XPO1: variants seen among roughly 807,000 people sequenced by gnomAD.
XPO1 encodes exportin-1.
In XPO1, 5 loss-of-function variants were observed where a neutral mutation model predicts 133.3. That is an observed-to-expected ratio of 0.04 (90% CI 0.02 to 0.08). The LOEUF (loss-of-function observed/expected upper bound fraction) is 0.08. XPO1 is among the 10% of genes least tolerant of loss of function. XPO1 has a pLI of 1.00. For missense variants in XPO1, 506 were observed against 1,267.5 expected, an observed-to-expected ratio of 0.40 and a Z score of 9.12; for synonymous variants, 419 against 408.2, an observed-to-expected ratio of 1.03 and a Z score of -0.32.
chr2:61,523,973 A>T (rs1467551865), intron 3 of XPO1, among the ~76,000 whole-genome samples: 2 of 152,248 alleles, frequency 1.3e-5, no homozygotes, highest in Non-Finnish European at 2.9e-5. Flanking sequence ...AATGTTTCAT[A>T]ATCAGCAGTA....
intron 4 of XPO1, among the ~76,000 whole-genome samples, chr2:61,515,933 A>C (rs1288151818): frequency 8.2e-5 from 10 of 121,648 alleles, no homozygotes; most frequent in African/African-American, 2.8e-4. Context: ...AAAAAAAAAA[A>C]AAACCACACA....
intron 4 of XPO1, among the ~76,000 whole-genome samples, chr2:61,519,238 C>T (rs1199411621): frequency 2.0e-5 from 3 of 152,130 alleles, no homozygotes; most frequent in South Asian, 4.1e-4. Context: ...CGTGAGCCAC[C>T]GTGCTGAGCC....
intron 4 of XPO1, among the ~76,000 whole-genome samples, chr2:61,520,673 T>A (rs1208119406): frequency 1.3e-5 from 2 of 152,116 alleles, no homozygotes; most frequent in East Asian, 3.8e-4. Context: ...AAACAAAAAT[T>A]TTTTAAATTA....
chr2:61,502,834 T>C (rs1697601232), intron 4 of XPO1, among the ~76,000 whole-genome samples: 1 of 152,168 alleles, frequency 6.6e-6, no homozygotes, highest in Non-Finnish European at 1.5e-5. Flanking sequence ...CTTAAACTCA[T>C]AGACTCAAGT....
At chr2:61,480,728 G>A (rs1696306748) in intron 24 of XPO1, 1 of 151,970 alleles carries the variant, frequency 6.6e-6, no homozygotes, top group Non-Finnish European at 1.5e-5. Context: ...ACTACTTAGG[G>A]TTTCACAGTA....
Position 61,522,600 on chromosome 2 carries a change from T to TA in XPO1, c.301+10dup. The TA allele has an allele frequency of 6.2e-7, 1 of 1,609,970 alleles. No homozygotes were observed. The highest frequency in any genetic ancestry group is 8.5e-7 in the Non-Finnish European group (1 of 1,177,760). On this transcript the variant is annotated intron_variant, in intron 4 of 24. Transcript: ENST00000401558. Reference sequence around the variant, plus strand: ...ACAAAACTCTGAATTTATAATTCTTTATTTTCCTACCTTCGCACTGGTTCC... The same window carrying TA: ...ACAAAACTCTGAATTTATAATTCTTTAATTTTCCTACCTTCGCACTGGTTCC...
At chr2:61,506,293 C>T (rs1485154248) in intron 4 of XPO1, among the ~76,000 whole-genome samples, 2 of 152,032 alleles carry the variant, frequency 1.3e-5, no homozygotes, top group Non-Finnish European at 2.9e-5. Context: ...CATGGTGGCA[C>T]GCGCCTATAA....
intron 4 of XPO1, among the ~76,000 whole-genome samples, chr2:61,518,388 TA>T (rs986949403): frequency 7.2e-5 from 9 of 125,628 alleles, no homozygotes; most frequent in Admixed American, 8.0e-5. Context: ...CCGTCTCTAC[TA>T]AAAAAAAAAA....
chr2:61,529,448 A>C (rs13427103), intron 2 of XPO1, among the ~76,000 whole-genome samples: 1 of 151,976 alleles, frequency 6.6e-6, no homozygotes, highest in African/African-American at 2.4e-5. Flanking sequence ...ACGAGGTCAG[A>C]AGTTCAAGAC....
At chr2:61,521,743 GGTT>G (rs1227290347) in intron 4 of XPO1, among the ~76,000 whole-genome samples, 1 of 151,910 alleles carries the variant, frequency 6.6e-6, no homozygotes, top group Non-Finnish European at 1.5e-5. Context: ...CCTTACATAT[GGTT>G]TTTTTTGTTG....
chr2:61,496,740 GCT>G, intron 10 of XPO1, 137 bp downstream of exon 10: 4 of 1,068,570 alleles, frequency 3.7e-6, no homozygotes, highest in South Asian at 2.6e-5. Context: ...AAAATTTGTA[GCT>G]TACTACAAAT....
chr2:61,487,237 T>C (rs1696739916), intron 19 of XPO1, among the ~76,000 whole-genome samples: 2 of 151,876 alleles, frequency 1.3e-5, no homozygotes, highest in African/African-American at 4.8e-5. Context: ...ACTTTAACAT[T>C]AATGTTACAA....
intron 4 of XPO1, among the ~76,000 whole-genome samples, chr2:61,510,706 G>A (rs1344956835): frequency 2.6e-5 from 4 of 152,110 alleles, no homozygotes; most frequent in African/African-American, 4.8e-5. Context: ...GGGAGGCTGA[G>A]GCAGAGGATC....
chr2:61,497,111 G>A (rs1697276531), intron 9 of XPO1, 104 bp from the exon 10 acceptor site: 2 of 1,400,050 alleles, frequency 1.4e-6, no homozygotes, highest in Non-Finnish European at 1.9e-6. Flanking sequence ...TAAATATAGG[G>A]GTAGATGTCA....
chr2:61,489,203 C>G lies in XPO1; in HGVS notation c.2023-432G>C, dbSNP rs181057518. Among the ~76,000 whole-genome samples, 589 of 152,110 alleles carry G rather than the reference C, an allele frequency of 3.9e-3. 3 individuals are homozygous for G. Among genetic ancestry groups the G allele is most frequent in the African/African-American group, 0.014 (565 of 41,486 alleles). ...CTGAGTCGGGTGCATCACCTGAGGT[C>G]GGGAGTTCAAGACCAGCCTGACCAA... On this transcript the variant is annotated intron_variant, in intron 17 of 24. Coordinates refer to ENST00000401558, the MANE Select transcript of XPO1 (RefSeq NM_003400.4).
At chr2:61,531,621 A>G (rs1699158172) in intron 2 of XPO1, among the ~76,000 whole-genome samples, 1 of 152,326 alleles carries the variant, frequency 6.6e-6, no homozygotes, top group South Asian at 2.1e-4. Flanking sequence ...ATCTATGCGG[A>G]AAAAATTAAA....
chr2:61,493,233 G>A, intron 12 of XPO1, 180 bp from the exon 13 acceptor site: 2 of 507,402 alleles, frequency 3.9e-6, no homozygotes, highest in Admixed American at 3.8e-5. Context: ...TTGTGGCCAG[G>A]AATTTGAGAG....
intron 4 of XPO1, among the ~76,000 whole-genome samples, chr2:61,510,568 T>C (rs1698039903): frequency 6.6e-6 from 1 of 152,218 alleles, no homozygotes; most frequent in Non-Finnish European, 1.5e-5. Flanking sequence ...GTTTATGGCC[T>C]CAAACACACT....
At chr2:61,500,211 G>A (rs558024220) in intron 6 of XPO1, among the ~76,000 whole-genome samples, 26 of 152,136 alleles carry the variant, frequency 1.7e-4, no homozygotes, top group Non-Finnish European at 3.1e-4. Flanking sequence ...GGCCTTGCGC[G>A]GTTGCTCATG....
Sources: gnomAD v4.1 joint callset for allele counts (sites outside exome capture counted in the v4.1 genomes callset) on GRCh38, gnomAD v4.1.1 for gene constraint, MANE v1.5 for transcripts, NCBI Gene and HGNC (gene_info 2026-07-23, HGNC 2026-07-21) for gene names.